The following DOCK9 variants were observed in gnomAD, a reference collection of about 807,000 sequenced individuals.
The protein encoded by DOCK9 is dedicator of cytokinesis 9.
In DOCK9, 89 loss-of-function variants were observed where a neutral mutation model predicts 263.3. The ratio of observed to expected loss-of-function variants is 0.34; its 90% CI spans 0.28 to 0.40. The LOEUF (loss-of-function observed/expected upper bound fraction) is 0.40. Ranked by LOEUF, DOCK9 falls within the 10% of genes least tolerant of loss-of-function variation. The pLI, the probability that DOCK9 is intolerant of heterozygous loss-of-function variation, is 1.00. For synonymous variants in DOCK9, 976 were observed against 973.1 expected, an observed-to-expected ratio of 1.00 and a Z score of -0.06; for missense variants, 2,140 against 2,603.4, an observed-to-expected ratio of 0.82 and a Z score of 3.87.
At chr13:98,979,230 A>AGTAGTAGCGGCG (rs1469428296), upstream of DOCK9, among the ~76,000 whole-genome samples, 1 of 116,102 alleles carries the variant, frequency 8.6e-6, no homozygotes, top group African/African-American at 3.5e-5. Context: ...TAGTAGTAGT[A>AGTAGTAGCGGCG]GCAGCAGCGG....
chr13:98,821,928 T>C (rs2092297018), intron 45 of DOCK9, among the ~76,000 whole-genome samples: 1 of 152,210 alleles, frequency 6.6e-6, no homozygotes, highest in Non-Finnish European at 1.5e-5. Context: ...CACCAGATTT[T>C]CCCCAAAGTC....
chr13:98,861,484 G>T (rs2093869498), intron 32 of DOCK9, among the ~76,000 whole-genome samples: 1 of 152,224 alleles, frequency 6.6e-6, no homozygotes, highest in Admixed American at 6.5e-5. Context: ...TAGCAGATAA[G>T]CCCTCTGAGG....
At chr13:98,862,970 T>C (rs1322948442) in intron 32 of DOCK9, 49 bp downstream of exon 32, 1 of 1,509,232 alleles carries the variant, frequency 6.6e-7, no homozygotes, top group Admixed American at 1.9e-5. Context: ...TTGTCCTGGC[T>C]TCCCCGGGAC....
chr13:98,902,296 G>A lies in DOCK9; in HGVS notation c.1372C>T (p.Pro458Ser). ...GILHEAAMQY[P>S]KQGIFSVTCP... ...GGGCTCATACTCCCCACCTGCTTCG[G>A]ATACTGCATGGCGGCTTCATGAAGG... Residue 458 changes from proline (P) to serine (S), a missense_variant, in exon 12 of 53, where the codon CCG (proline) becomes TCG (serine). Transcript: ENST00000682017. 6.2e-7 allele frequency: 1 copy of A among 1,613,702 alleles called. No homozygotes were observed. The highest frequency in any genetic ancestry group is 8.5e-7 in the Non-Finnish European group (1 of 1,179,828).
At chr13:99,040,185 G>A (rs1888323078) in intron 1 of DOCK9, among the ~76,000 whole-genome samples, 1 of 152,144 alleles carries the variant, frequency 6.6e-6, no homozygotes, top group African/African-American at 2.4e-5. Flanking sequence ...TGGATACAAT[G>A]AGAAGTCACC....
Position 98,863,552 on chromosome 13 carries a change from A to G in DOCK9, c.3287-4T>C, listed in dbSNP as rs768582702. The G allele has an allele frequency of 3.5e-5, 56 of 1,602,448 alleles. No individual in the cohort carries two copies. Among genetic ancestry groups the G allele is most frequent in the Non-Finnish European group, 4.8e-5 (56 of 1,172,570 alleles). On this transcript the variant is annotated splice_polypyrimidine_tract_variant and splice_region_variant and intron_variant, in intron 30 of 52. Coordinates refer to ENST00000682017, the MANE Select transcript of DOCK9 (RefSeq NM_001366683.2). ...AATGAGTAGTCAAGCTGGAGGTCTGAAATGAGGATAGAAACTACTTGAGTT... is the reference window on the plus strand; with the variant it reads ...AATGAGTAGTCAAGCTGGAGGTCTGGAATGAGGATAGAAACTACTTGAGTT...
chr13:99,024,019 G>A (rs1886431018), intron 1 of DOCK9, among the ~76,000 whole-genome samples: 2 of 152,174 alleles, frequency 1.3e-5, no homozygotes, highest in African/African-American at 4.8e-5. Context: ...TCAGGAACCT[G>A]CCAGAAGTGG....
intron 1 of DOCK9, among the ~76,000 whole-genome samples, chr13:99,016,530 T>C (rs1447582573): frequency 6.6e-6 from 1 of 152,230 alleles, no homozygotes; most frequent in Non-Finnish European, 1.5e-5. Context: ...AAATACATGC[T>C]GAGGTCTCAC....
At chr13:98,802,663 C>G in intron 49 of DOCK9, among the ~76,000 whole-genome samples, 1 of 152,148 alleles carries the variant, frequency 6.6e-6, no homozygotes, top group East Asian at 1.9e-4. Flanking sequence ...GGAGGGTGAT[C>G]ATGAGGTTTT....
At chr13:98,942,947 G>A (rs1224033400) in intron 2 of DOCK9, among the ~76,000 whole-genome samples, 1 of 152,178 alleles carries the variant, frequency 6.6e-6, no homozygotes, top group Admixed American at 6.5e-5. Context: ...TTGACTGAAA[G>A]GTCATTATGC....
chr13:99,021,473 A>G (rs1296611641), intron 1 of DOCK9, among the ~76,000 whole-genome samples: 2 of 152,082 alleles, frequency 1.3e-5, no homozygotes, highest in African/African-American at 4.8e-5. Context: ...CCCTGTCTGT[A>G]CTAAAAATAC....
chr13:98,972,549 C>T (rs2059843034), intron 1 of DOCK9, among the ~76,000 whole-genome samples: 1 of 152,154 alleles, frequency 6.6e-6, no homozygotes, highest in Non-Finnish European at 1.5e-5. Flanking sequence ...TTCACTCGGA[C>T]CCTATCTAAG....
intron 3 of DOCK9, among the ~76,000 whole-genome samples, chr13:98,926,840 C>A (rs1409562899): frequency 6.6e-6 from 1 of 152,202 alleles, no homozygotes; most frequent in Non-Finnish European, 1.5e-5. Flanking sequence ...TGTATTTATG[C>A]CTTATCTAGT....
intron 13 of DOCK9, 76 bp from the exon 14 acceptor site, chr13:98,898,337 A>G: frequency 7.3e-6 from 8 of 1,095,092 alleles, no homozygotes; most frequent in Non-Finnish European, 1.1e-5. Context: ...CCATCCTTAC[A>G]TGCTCACTAA....
chr13:98,803,799 G>A (rs550376746), intron 49 of DOCK9, among the ~76,000 whole-genome samples: 1 of 152,292 alleles, frequency 6.6e-6, no homozygotes, highest in South Asian at 2.1e-4. Context: ...CTTTATATAT[G>A]CTGTCTTCTT....
intron 10 of DOCK9, 131 bp downstream of exon 10, chr13:98,904,501 C>T: frequency 1.5e-6 from 1 of 658,812 alleles, no homozygotes. Context: ...TTCCTCTTTT[C>T]CCCAAATTTT....
At chr13:99,077,899 C>T (rs1400269144) in intron 1 of DOCK9, among the ~76,000 whole-genome samples, 1 of 152,116 alleles carries the variant, frequency 6.6e-6, no homozygotes, top group Non-Finnish European at 1.5e-5. Flanking sequence ...TGTTCTAAGC[C>T]ACTGAGATCT....
chr13:99,034,609 T>C (rs1887672465), intron 1 of DOCK9, among the ~76,000 whole-genome samples: 1 of 152,148 alleles, frequency 6.6e-6, no homozygotes. Context: ...ACAAAAAGAA[T>C]GCACCTAACA....
chr13:98,912,071 C>A (rs1411502625), intron 9 of DOCK9, among the ~76,000 whole-genome samples: 1 of 151,400 alleles, frequency 6.6e-6, no homozygotes, highest in Non-Finnish European at 1.5e-5. Context: ...GGTTTTATAC[C>A]ATGTTGGCAA....
Sources: gnomAD v4.1 joint callset for allele counts (sites outside exome capture counted in the v4.1 genomes callset) on GRCh38, gnomAD v4.1.1 for gene constraint, MANE v1.5 for transcripts, NCBI Gene and HGNC (gene_info 2026-07-23, HGNC 2026-07-21) for gene names.